AGTPBP1: variants seen among roughly 807,000 people sequenced by gnomAD.
AGTPBP1 encodes the protein cytosolic carboxypeptidase 1.
Under a neutral mutation model 143.9 loss-of-function variants are expected in AGTPBP1, and 70 were observed. The ratio of observed to expected loss-of-function variants is 0.49; its 90% CI spans 0.40 to 0.59. The LOEUF is 0.59. Ranked by LOEUF, AGTPBP1 falls within the 20% of genes least tolerant of loss-of-function variation. AGTPBP1 has a pLI of 0.00. For missense variants in AGTPBP1, 1,229 were observed against 1,464.5 expected, an observed-to-expected ratio of 0.84 and a Z score of 2.62; for synonymous variants, 463 against 500.2, an observed-to-expected ratio of 0.93 and a Z score of 0.99.
chr9:85,673,999 T>C (rs1280033304), intron 6 of AGTPBP1, among the ~76,000 whole-genome samples: 4 of 151,428 alleles, frequency 2.6e-5, no homozygotes, highest in Admixed American at 2.6e-4. Flanking sequence ...GGCGGGCGCC[T>C]GCAGTCCCAA....
intron 3 of AGTPBP1, among the ~76,000 whole-genome samples, chr9:85,683,028 C>T (rs966111013): frequency 6.6e-6 from 1 of 152,150 alleles, no homozygotes; most frequent in South Asian, 2.1e-4. Flanking sequence ...TGCATCATCT[C>T]GGGTTCAGTT....
the AGTPBP1 span, among the ~76,000 whole-genome samples, chr9:85,772,522 G>A: frequency 6.6e-6 from 1 of 152,178 alleles, no homozygotes; most frequent in Non-Finnish European, 1.5e-5. Flanking sequence ...CAAGGCAGGA[G>A]GATCACTTGA....
chr9:85,616,956 G>GTT (rs1312088160), intron 17 of AGTPBP1, among the ~76,000 whole-genome samples: 2 of 151,960 alleles, frequency 1.3e-5, no homozygotes, highest in Admixed American at 1.3e-4. Context: ...TTAAAAATTA[G>GTT]TTACTTAAGC....
At position 85,677,494 on chromosome 9, in the gene AGTPBP1, G is replaced by C; in HGVS notation, c.378C>G (p.Pro126=). 3 of 1,603,958 alleles carry C rather than the reference G, an allele frequency of 1.9e-6. No homozygotes were observed. The highest frequency in any genetic ancestry group is 1.3e-5 in the African/African-American group (1 of 74,306). Residue 126 remains proline, a synonymous_variant, in exon 6 of 26, where the codon CCC becomes CCG. Transcript: ENST00000357081. ...QLLMNASKES[P]PHEDLMVQIH... Reference sequence around the variant, plus strand: ...TCTGTACCATTAAGTCCTCATGTGGGGGAGATTCTTTGCTGGCATTCATAA... The same window carrying C: ...TCTGTACCATTAAGTCCTCATGTGGCGGAGATTCTTTGCTGGCATTCATAA...
rs993656004 is a variant in AGTPBP1, at chr9:85,639,218, C to CA, written c.1302+3608dup. Reference sequence around the variant, plus strand: ...TATCTTTTTTAAAAAACCAATGAATCAAAAAAAATAAGTTTCAGAGTAAAG... The same window carrying CA: ...TATCTTTTTTAAAAAACCAATGAATCAAAAAAAAATAAGTTTCAGAGTAAAG... On this transcript the variant is annotated intron_variant, in intron 13 of 25. Coordinates refer to ENST00000357081, the MANE Select transcript of AGTPBP1 (RefSeq NM_001330701.2). 2.1e-4 allele frequency among the ~76,000 whole-genome samples: 31 copies of CA among 151,174 alleles called. No homozygotes were observed. In the Middle Eastern group the frequency reaches 0.01, roughly 50 times the overall value.
At chr9:85,620,421 A>T (rs1009255491) in intron 15 of AGTPBP1, among the ~76,000 whole-genome samples, 3 of 84,966 alleles carry the variant, frequency 3.5e-5, no homozygotes, top group African/African-American at 5.8e-5. Flanking sequence ...GACTTCATCT[A>T]AAAAAAAAAA....
At chr9:85,767,636 G>A in the AGTPBP1 span, among the ~76,000 whole-genome samples, 3 of 150,562 alleles carry the variant, frequency 2.0e-5, no homozygotes, top group Non-Finnish European at 3.0e-5. Flanking sequence ...GTAAGCCACC[G>A]CGCCCAGCCT....
the AGTPBP1 span, among the ~76,000 whole-genome samples, chr9:85,747,325 C>T: frequency 9.4e-4 from 143 of 152,298 alleles, 1 homozygote; most frequent in East Asian, 0.018. Flanking sequence ...CCACCTTGCT[C>T]TTCTTTTTCA....
At chr9:85,656,849 A>G (rs1833540579) in intron 10 of AGTPBP1, among the ~76,000 whole-genome samples, 2 of 152,330 alleles carry the variant, frequency 1.3e-5, no homozygotes, top group South Asian at 4.1e-4. Context: ...CAGGCTGTAA[A>G]GGATCCACAG....
chr9:85,718,012 C>A (rs1587968987), intron 1 of AGTPBP1, among the ~76,000 whole-genome samples: 1 of 152,198 alleles, frequency 6.6e-6, no homozygotes, highest in African/African-American at 2.4e-5. Flanking sequence ...ATGAACTCAT[C>A]ATTTTTTATG....
chr9:85,696,871 A>C (rs1836281862), intron 2 of AGTPBP1, among the ~76,000 whole-genome samples: 1 of 152,224 alleles, frequency 6.6e-6, no homozygotes, highest in Non-Finnish European at 1.5e-5. Context: ...CCTATACGAC[A>C]CTATCACTTA....
chr9:85,687,948 G>A lies in AGTPBP1; in HGVS notation c.157+4741C>T, dbSNP rs543636709. On this transcript the variant is annotated intron_variant, in intron 3 of 25. Coordinates refer to ENST00000357081, the MANE Select transcript of AGTPBP1 (RefSeq NM_001330701.2). The stretch of plus-strand genomic sequence containing the variant: ...CTACTAAAAATACAAAAAATTAGCC[G>A]GGTGTGGTGGCAGATGCCTGTAATC... Among the ~76,000 whole-genome samples, 30 of 151,596 alleles carry A rather than the reference G, an allele frequency of 2.0e-4. No homozygotes were observed. The South Asian group carries it at 3.3e-3, about 17-fold the overall frequency.
At chr9:85,679,805 C>G (rs1344220228) in intron 4 of AGTPBP1, among the ~76,000 whole-genome samples, 1 of 152,016 alleles carries the variant, frequency 6.6e-6, no homozygotes, top group Non-Finnish European at 1.5e-5. Context: ...TTTCTACATC[C>G]TTTTGTTAAT....
intron 1 of AGTPBP1, among the ~76,000 whole-genome samples, chr9:85,717,987 G>A (rs928636913): frequency 3.3e-5 from 5 of 152,054 alleles, no homozygotes; most frequent in Middle Eastern, 3.2e-3. Flanking sequence ...CTTCATCCAC[G>A]TCCCTGCAAA....
chr9:85,567,338 C>T (rs1031501637), intron 25 of AGTPBP1, among the ~76,000 whole-genome samples: 3 of 152,208 alleles, frequency 2.0e-5, no homozygotes, highest in Non-Finnish European at 4.4e-5. Flanking sequence ...CGCCTGTAAT[C>T]CCAGCATTCT....
At chr9:85,745,063 T>C (rs1450634720), upstream of AGTPBP1, among the ~76,000 whole-genome samples, 2 of 152,268 alleles carry the variant, frequency 1.3e-5, no homozygotes, top group African/African-American at 2.4e-5. Context: ...TCCAGCCTTG[T>C]AGGTACTCAG....
intron 17 of AGTPBP1, among the ~76,000 whole-genome samples, chr9:85,609,561 G>A (rs1020759602): frequency 1.3e-5 from 2 of 152,114 alleles, no homozygotes; most frequent in Non-Finnish European, 2.9e-5. Flanking sequence ...GATTACAGAC[G>A]TGAGCCACCG....
intron 11 of AGTPBP1, among the ~76,000 whole-genome samples, chr9:85,648,712 T>A (rs1412330918): frequency 6.6e-6 from 1 of 152,078 alleles, no homozygotes; most frequent in African/African-American, 2.4e-5. Context: ...CTCGGGAGGC[T>A]GAGGCAGGAG....
intron 9 of AGTPBP1, among the ~76,000 whole-genome samples, chr9:85,658,835 G>A (rs1167603365): frequency 6.6e-6 from 1 of 152,112 alleles, no homozygotes; most frequent in Non-Finnish European, 1.5e-5. Context: ...TTTAAACCCA[G>A]TATTGTGTCT....
Sources: gnomAD v4.1 joint callset for allele counts (sites outside exome capture counted in the v4.1 genomes callset) on GRCh38, gnomAD v4.1.1 for gene constraint, MANE v1.5 for transcripts, NCBI Gene and HGNC (gene_info 2026-07-23, HGNC 2026-07-21) for gene names.